Variants in TEX9 observed in about 807,000 individuals in gnomAD.
TEX9 encodes the protein testis-expressed protein 9.
In TEX9, 74 loss-of-function variants were observed where a neutral mutation model predicts 59.6. That is an observed-to-expected ratio of 1.24 (90% CI 1.03 to 1.51). The LOEUF is 1.51. Ranked by LOEUF, TEX9 falls within the 40% of genes most tolerant of loss-of-function variation. The pLI is 0.00. For synonymous variants in TEX9, 186 were observed against 152.2 expected (o/e 1.22, Z -1.64); for missense variants, 522 against 447.8 (o/e 1.17, Z -1.49).
At chr15:56,246,444 G>C (rs1158916103) in intron 1 of TEX9, among the ~76,000 whole-genome samples, 1 of 152,198 alleles carries the variant, frequency 6.6e-6, no homozygotes, top group East Asian at 1.9e-4. Flanking sequence ...CCAGTCTTCA[G>C]AGAAGACTGT....
At chr15:56,441,027 T>G (rs1307362443) in intron 12 of TEX9, among the ~76,000 whole-genome samples, 1 of 152,186 alleles carries the variant, frequency 6.6e-6, no homozygotes, top group Non-Finnish European at 1.5e-5. Context: ...TTTAAAGATA[T>G]AAACTTTCCT....
chr15:56,378,356 C>G (rs2047559787), intron 3 of TEX9, among the ~76,000 whole-genome samples: 2 of 151,836 alleles, frequency 1.3e-5, no homozygotes, highest in East Asian at 3.9e-4. Context: ...CTGGGCTTTT[C>G]TTTACTGGGA....
chr15:56,440,456 A>C (rs1197282974), intron 12 of TEX9, among the ~76,000 whole-genome samples: 1 of 152,178 alleles, frequency 6.6e-6, no homozygotes. Flanking sequence ...CAGCTAATAC[A>C]ATCTTGAGCA....
chr15:56,365,303 C>T, upstream of TEX9: 2 of 1,108,858 alleles, frequency 1.8e-6, no homozygotes, highest in Non-Finnish European at 2.5e-6. Context: ...GAGCAAAGGC[C>T]GAGCCCGCTG....
chr15:56,252,485 G>C (rs552223602), intron 1 of TEX9, among the ~76,000 whole-genome samples: 169 of 150,264 alleles, frequency 1.1e-3, no homozygotes, highest in African/African-American at 4.1e-3. Context: ...AATGGTGTAG[G>C]AGCTGAGAAC....
chr15:56,431,961 G>C (rs991788926), intron 12 of TEX9, among the ~76,000 whole-genome samples: 3 of 152,026 alleles, frequency 2.0e-5, no homozygotes, highest in Non-Finnish European at 4.4e-5. Context: ...TCTTAGGAAA[G>C]TGCTCACTCT....
intron 1 of TEX9, among the ~76,000 whole-genome samples, chr15:56,321,340 A>G (rs2045897303): frequency 2.0e-5 from 3 of 152,222 alleles, no homozygotes; most frequent in Non-Finnish European, 4.4e-5. Flanking sequence ...TTCCTGAGTG[A>G]GGGAGCAGAC....
intron 1 of TEX9, among the ~76,000 whole-genome samples, chr15:56,352,340 G>C (rs145836372): frequency 6.6e-6 from 1 of 152,110 alleles, no homozygotes; most frequent in Non-Finnish European, 1.5e-5. Flanking sequence ...CGCCTCCCGG[G>C]TTCAAGCAAT....
intron 9 of TEX9, chr15:56,410,129 A>G (rs534090421): frequency 6.6e-6 from 1 of 152,294 alleles, no homozygotes; most frequent in African/African-American, 2.4e-5. Flanking sequence ...TATTACTCAC[A>G]ATTTCAGATA....
chr15:56,443,762 C>T (rs753033368), intron 12 of TEX9: 11 of 1,613,096 alleles, frequency 6.8e-6, no homozygotes, highest in East Asian at 4.5e-5. Flanking sequence ...CATCTCCTCA[C>T]GTTTCTTTTT....
chr15:56,383,659 A>C (rs1252162092), intron 3 of TEX9, among the ~76,000 whole-genome samples: 1 of 152,208 alleles, frequency 6.6e-6, no homozygotes, highest in African/African-American at 2.4e-5. Flanking sequence ...TATGCTGTAT[A>C]AGCTGGAAGA....
intron 10 of TEX9, among the ~76,000 whole-genome samples, chr15:56,425,048 C>T (rs1257277478): frequency 1.3e-5 from 2 of 151,932 alleles, no homozygotes; most frequent in Non-Finnish European, 2.9e-5. Context: ...TCTTTCAGCC[C>T]TTTAAATATA....
chr15:56,342,773 A>G (rs1024618672), intron 1 of TEX9, among the ~76,000 whole-genome samples: 4 of 152,190 alleles, frequency 2.6e-5, no homozygotes, highest in African/African-American at 9.6e-5. Flanking sequence ...AGCTGTACCC[A>G]AAGTGGCAGC....
chr15:56,383,980 C>T (rs752316081), exon 4 of TEX9: 2 of 1,612,144 alleles, frequency 1.2e-6, no homozygotes, highest in African/African-American at 1.3e-5. Context: ...CGATCTAGGC[C>T]TGTTTCAACA....
the TEX9 span, among the ~76,000 whole-genome samples, chr15:56,454,728 A>G: frequency 6.6e-6 from 1 of 152,144 alleles, no homozygotes; most frequent in Admixed American, 6.5e-5. Flanking sequence ...CTCTACCAGG[A>G]CTAAAATTAT....
intron 1 of TEX9, among the ~76,000 whole-genome samples, chr15:56,321,033 T>C (rs1411468019): frequency 5.3e-5 from 8 of 152,218 alleles, no homozygotes; most frequent in Admixed American, 1.3e-4. Flanking sequence ...CTTCTGGTTT[T>C]TATGCTACAG....
At chr15:56,352,207 G>A (rs1180088324) in intron 1 of TEX9, among the ~76,000 whole-genome samples, 1 of 152,114 alleles carries the variant, frequency 6.6e-6, no homozygotes, top group African/African-American at 2.4e-5. Context: ...AAAGTGTTGA[G>A]TAATGAAGTG....
chr15:56,400,063 C>A (rs1399610720), intron 9 of TEX9, among the ~76,000 whole-genome samples: 1 of 152,134 alleles, frequency 6.6e-6, no homozygotes. Flanking sequence ...TTCTAAAAAC[C>A]AGAGCACCTC....
chr15:56,366,109 T>C (rs1461707865), intron 2 of TEX9, among the ~76,000 whole-genome samples: 2 of 152,212 alleles, frequency 1.3e-5, no homozygotes, highest in Non-Finnish European at 2.9e-5. Flanking sequence ...AGAATTACCA[T>C]TCTCGTTCAA....
Sources: gnomAD v4.1 joint callset for allele counts (sites outside exome capture counted in the v4.1 genomes callset) on GRCh38, gnomAD v4.1.1 for gene constraint, MANE v1.5 for transcripts, NCBI Gene and HGNC (gene_info 2026-07-23, HGNC 2026-07-21) for gene names.